DYM: variants seen among roughly 807,000 people sequenced by gnomAD.
DYM encodes dyggve-Melchior-Clausen syndrome protein.
DYM carries 78 observed loss-of-function variants against 93.1 expected under a neutral mutation model. The observed-to-expected ratio is 0.84, with a 90% CI of 0.70 to 1.01. DYM has a LOEUF of 1.01. Ranked by LOEUF, DYM falls within the 50% of genes least tolerant of loss-of-function variation. The pLI is 0.00. For missense variants in DYM, 789 were observed against 845.0 expected, an observed-to-expected ratio of 0.93 and a Z score of 0.82; for synonymous variants, 321 against 319.7, an observed-to-expected ratio of 1.00 and a Z score of -0.04.
chr18:49,412,236 TAAAAAA>T (rs67065136), intron 2 of DYM, among the ~76,000 whole-genome samples: 3 of 135,096 alleles, frequency 2.2e-5, no homozygotes, highest in Admixed American at 1.5e-4. Flanking sequence ...AACATTGACT[TAAAAAA>T]AAAAAAAAAA....
At position 49,405,856 on chromosome 18, in the gene DYM, A is replaced by AAT. The variant is rs1686926394; in HGVS notation, c.141-14213_141-14212dup. Among the ~76,000 whole-genome samples the AAT allele has an allele frequency of 2.0e-5, 3 of 152,188 alleles. No homozygotes were observed. In the South Asian group the frequency reaches 6.2e-4, roughly 32 times the overall value. On this transcript the variant is annotated intron_variant, in intron 2 of 17. Coordinates refer to ENST00000675505, the MANE Select transcript of DYM (RefSeq NM_001353214.3). Reference sequence around the variant, plus strand: ...ACAATGTCAATTCTTCCCATCCATGAATATGGAATGTTTTTCCATTTGTTT... The same window carrying AAT: ...ACAATGTCAATTCTTCCCATCCATGAATATATGGAATGTTTTTCCATTTGTTT...
chr18:49,222,787 A>C (rs559947841), intron 13 of DYM, among the ~76,000 whole-genome samples: 2 of 152,298 alleles, frequency 1.3e-5, no homozygotes, highest in East Asian at 3.9e-4. Flanking sequence ...CAGTGGATAA[A>C]GGAAAATTCT....
At chr18:49,232,603 CTTTTTTTTT>C (rs777802663) in intron 13 of DYM, among the ~76,000 whole-genome samples, 3,357 of 94,476 alleles carry the variant, frequency 0.036, 164 homozygotes, top group African/African-American at 0.12. Flanking sequence ...TGCCCGGCCT[CTTTTTTTTT>C]TTTTTTTTTT....
chr18:49,389,727 T>C (rs1183619650), intron 3 of DYM, among the ~76,000 whole-genome samples: 1 of 152,046 alleles, frequency 6.6e-6, no homozygotes, highest in Admixed American at 6.6e-5. Context: ...TGGGGTCTTA[T>C]TATGTTGCCC....
At chr18:49,453,734 C>A (rs567720890) in intron 1 of DYM, among the ~76,000 whole-genome samples, 29 of 152,230 alleles carry the variant, frequency 1.9e-4, no homozygotes, top group African/African-American at 7.0e-4. Flanking sequence ...TAATTACCAA[C>A]AAAAAGGAAG....
At chr18:49,105,206 T>C (rs1229095271) in intron 16 of DYM, among the ~76,000 whole-genome samples, 1 of 152,252 alleles carries the variant, frequency 6.6e-6, no homozygotes, top group African/African-American at 2.4e-5. Flanking sequence ...GAGGTGCTTA[T>C]AGCATTCTCT....
chr18:49,184,856 C>A (rs1157893609), intron 14 of DYM, among the ~76,000 whole-genome samples: 1 of 152,016 alleles, frequency 6.6e-6, no homozygotes. Context: ...AATGGGGGAC[C>A]ACCGCATATA....
intron 16 of DYM, among the ~76,000 whole-genome samples, chr18:49,103,042 A>G (rs1345051664): frequency 1.3e-5 from 2 of 152,158 alleles, no homozygotes; most frequent in Admixed American, 6.5e-5. Flanking sequence ...ACAGTGTAAG[A>G]GTGTTCCTAT....
At position 49,277,025 on chromosome 18, in the gene DYM, A is replaced by C. The variant is rs1378139385; in HGVS notation, c.1126-4722T>G. On this transcript the variant is annotated intron_variant, in intron 10 of 17. Transcript: ENST00000675505. Reference sequence around the variant, plus strand: ...ATGGGGGAATGAGACAGAGGAGTCAAAGCTTTTGCCAACTCTATGGATGGC... The same window carrying C: ...ATGGGGGAATGAGACAGAGGAGTCACAGCTTTTGCCAACTCTATGGATGGC... Among the ~76,000 whole-genome samples, 3 of 152,328 alleles carry C rather than the reference A, an allele frequency of 2.0e-5. No individual in the cohort carries two copies. The East Asian group carries it at 5.8e-4, about 29-fold the overall frequency.
At chr18:49,128,419 C>T (rs971470951) in intron 15 of DYM, among the ~76,000 whole-genome samples, 6 of 152,156 alleles carry the variant, frequency 3.9e-5, no homozygotes, top group Non-Finnish European at 7.3e-5. Context: ...CTTTCCACAG[C>T]CTACGAAAAG....
intron 14 of DYM, chr18:49,206,003 G>GTTTTTTTTTTTTT (rs72500406): frequency 2.0e-4 from 29 of 142,818 alleles, no homozygotes; most frequent in African/African-American, 3.2e-4. Flanking sequence ...TTTTTTTTTT[G>GTTTTTTTTTTTTT]TTTTTTTGTT....
intron 1 of DYM, among the ~76,000 whole-genome samples, chr18:49,458,327 T>C (rs988527859): frequency 2.0e-5 from 3 of 151,308 alleles, no homozygotes; most frequent in Middle Eastern, 3.4e-3. Flanking sequence ...AAATGAGCCA[T>C]ATTAATAAAA....
intron 8 of DYM, among the ~76,000 whole-genome samples, chr18:49,318,212 A>T (rs2146525595): frequency 6.6e-6 from 1 of 152,350 alleles, no homozygotes; most frequent in Admixed American, 6.5e-5. Context: ...ACAGAAGCAA[A>T]CTAAGGCAGG....
At position 49,233,172 on chromosome 18, in the gene DYM, C is replaced by A. The variant is rs2093760752; in HGVS notation, c.1461-23457G>T. Among the ~76,000 whole-genome samples, 7 of 151,814 alleles carry A rather than the reference C, an allele frequency of 4.6e-5. No homozygotes were observed. In the South Asian group the frequency reaches 1.5e-3, roughly 32 times the overall value. On this transcript the variant is annotated intron_variant, in intron 13 of 17. Coordinates refer to ENST00000675505, the MANE Select transcript of DYM (RefSeq NM_001353214.3). ...AGGTCAGGAGTTGAGACCAGCCTGG[C>A]CAACATGGTGAAACCCCATCTCTAC...
intron 2 of DYM, among the ~76,000 whole-genome samples, chr18:49,424,813 A>T (rs956866902): frequency 2.0e-5 from 3 of 152,306 alleles, no homozygotes; most frequent in East Asian, 1.9e-4. Flanking sequence ...AGAGAATAAA[A>T]TACCTAGGAA....
intron 1 of DYM, among the ~76,000 whole-genome samples, chr18:49,434,624 T>C (rs1253337479): frequency 1.3e-5 from 2 of 152,216 alleles, no homozygotes; most frequent in African/African-American, 2.4e-5. Flanking sequence ...GTTTGTCATA[T>C]TAGTTGACTT....
chr18:49,326,992 CGT>C (rs10584298), intron 8 of DYM, among the ~76,000 whole-genome samples: 15,629 of 93,096 alleles, frequency 0.17, 991 homozygotes, highest in Middle Eastern at 0.26. Flanking sequence ...TTTAAAAAAC[CGT>C]GTGTGTGTGT....
At chr18:49,150,779 A>G (rs1362563521) in intron 15 of DYM, among the ~76,000 whole-genome samples, 1 of 152,226 alleles carries the variant, frequency 6.6e-6, no homozygotes, top group Non-Finnish European at 1.5e-5. Context: ...GATGTCAAGC[A>G]TGATGCAAAT....
chr18:49,322,413 A>G (rs1006423513), intron 8 of DYM, among the ~76,000 whole-genome samples: 5 of 152,266 alleles, frequency 3.3e-5, no homozygotes, highest in Admixed American at 3.3e-4. Context: ...TTCAAAGTCA[A>G]CACTTCCTTG....
Sources: allele counts gnomAD v4.1 joint callset (sites outside exome capture counted in the v4.1 genomes callset), GRCh38; gene constraint gnomAD v4.1.1; transcripts MANE v1.5; gene names NCBI Gene and HGNC (gene_info 2026-07-23, HGNC 2026-07-21).